The following GET1 variants were observed in gnomAD, a reference collection of about 807,000 sequenced individuals.
The protein encoded by GET1 is guided entry of tail-anchored proteins factor 1.
In GET1, 20 loss-of-function variants were observed where a neutral mutation model predicts 22.6. The observed-to-expected ratio is 0.89, with a 90% confidence interval of 0.62 to 1.29. The LOEUF (loss-of-function observed/expected upper bound fraction) is 1.29. Ranked by LOEUF, GET1 falls within the 50% of genes most tolerant of loss-of-function variation. The pLI is 0.00. For missense variants in GET1, 209 were observed against 219.9 expected (o/e 0.95, Z 0.31); for synonymous variants, 92 against 83.8 (o/e 1.10, Z -0.53).
intron 1 of GET1, among the ~76,000 whole-genome samples, chr21:39,389,427 G>A (rs893417276): frequency 2.6e-5 from 4 of 152,138 alleles, no homozygotes. Flanking sequence ...GTTGCAGGCC[G>A]AGCCACCATG....
chr21:39,401,719 G>A (rs180980464), downstream of GET1, among the ~76,000 whole-genome samples: 280 of 152,278 alleles, frequency 1.8e-3, 1 homozygote, highest in African/African-American at 6.4e-3. Flanking sequence ...TGTCAGCGCC[G>A]TTTATCCACA....
chr21:39,414,411 G>A (rs2040671151), intron 1 of GET1: 1 of 152,200 alleles, frequency 6.6e-6, no homozygotes, highest in South Asian at 2.1e-4. Context: ...AACTCGGTGT[G>A]GGATGACTTT....
intron 4 of GET1, among the ~76,000 whole-genome samples, 195 bp from the exon 5 acceptor site, chr21:39,396,671 G>T (rs1279932004): frequency 7.3e-6 from 1 of 136,824 alleles, no homozygotes; most frequent in African/African-American, 2.8e-5. Context: ...GGGGGACAGA[G>T]CGAGACTCCG....
rs569027211 is a variant in GET1 at position 39,387,685 on chromosome 21, C to T, written c.103-3013C>T. 131 of 607,464 alleles carry T rather than the reference C, an allele frequency of 2.2e-4. No individual in the cohort carries two copies. In the South Asian group the frequency reaches 2.8e-3, roughly 13 times the overall value. 37.6% of individuals were successfully genotyped at this position (607,464 alleles called of 1,614,324 possible). A position where few individuals can be genotyped will look rare whatever the true frequency, so the allele number is the denominator to read the frequency against. ...TAGACCCCTCCACCCCCCCTACTCC[C>T]CACACTCCCCCCCCCCACTTTTGCC... On this transcript the variant is annotated intron_variant, in intron 1 of 4. Transcript: ENST00000649170.
intron 1 of GET1, chr21:39,422,403 A>G (rs770522464): frequency 6.6e-6 from 1 of 152,516 alleles, no homozygotes; most frequent in Non-Finnish European, 1.5e-5. Context: ...AGGAAAATCA[A>G]TCCAGTCATC....
At chr21:39,409,050 A>G (rs1401836124), downstream of GET1, among the ~76,000 whole-genome samples, 1 of 152,150 alleles carries the variant, frequency 6.6e-6, no homozygotes, top group Non-Finnish European at 1.5e-5. This position sits in a 1 kb window ranked among gnomAD's most constrained non-coding sequence, Gnocchi z 4.2. Flanking sequence ...GTATGGCTAT[A>G]TTTGGAGACT....
At chr21:39,399,646 G>A (rs978051022), downstream of GET1, among the ~76,000 whole-genome samples, 2 of 152,002 alleles carry the variant, frequency 1.3e-5, no homozygotes, top group African/African-American at 4.8e-5. Flanking sequence ...TCACTATGTT[G>A]GCCGGGCTGG....
chr21:39,393,274 G>A lies in GET1; in HGVS notation c.445G>A (p.Val149Ile). Residue 149 changes from valine to isoleucine, a missense_variant, in exon 4 of 5, where the codon GTA (valine) becomes ATA (isoleucine). By Grantham distance (29) the Val-to-Ile change is conservative. Transcript: ENST00000649170. ...LDRLVAFPTR[V>I]AGGVGITCWI... ...CCGCCTGGTAGCCTTTCCTACTAGA[G>A]TAGCAGGTAAGAATTTTCTGGAAGA... 1 of 1,613,490 alleles carries A rather than the reference G, an allele frequency of 6.2e-7. No individual in the cohort carries two copies. The highest frequency in any genetic ancestry group is 8.5e-7 in the Non-Finnish European group (1 of 1,179,428).
intron 4 of GET1, chr21:39,405,757 A>C (rs1030755435): frequency 7.7e-6 from 5 of 649,618 alleles, no homozygotes; most frequent in East Asian, 3.0e-5. Context: ...TTAATTATCG[A>C]AAGTCAATTA....
intron 1 of GET1, among the ~76,000 whole-genome samples, chr21:39,417,063 C>T (rs757060958): frequency 1.1e-4 from 17 of 152,162 alleles, no homozygotes; most frequent in South Asian, 4.1e-4. Flanking sequence ...GACAGAGTCT[C>T]GCTCTGTCAC....
At chr21:39,382,556 T>G (rs1235051421) in intron 1 of GET1, among the ~76,000 whole-genome samples, 1 of 152,202 alleles carries the variant, frequency 6.6e-6, no homozygotes, top group African/African-American at 2.4e-5. Flanking sequence ...CATAATATCC[T>G]TAAGGTTCAT....
At chr21:39,387,874 G>C (rs556582153) in intron 1 of GET1, 2 of 970,412 alleles carry the variant, frequency 2.1e-6, no homozygotes, top group Non-Finnish European at 2.4e-6. Flanking sequence ...GAAGGGGGAG[G>C]GGGGGGGATC....
chr21:39,402,079 C>T (rs192495084), downstream of GET1, among the ~76,000 whole-genome samples: 10 of 152,058 alleles, frequency 6.6e-5, no homozygotes, highest in African/African-American at 1.4e-4. Flanking sequence ...GCGTGTCTTT[C>T]GTGCTAGCTT....
At chr21:39,426,478 A>C (rs528195316) in intron 1 of GET1, among the ~76,000 whole-genome samples, 1 of 152,320 alleles carries the variant, frequency 6.6e-6, no homozygotes, top group Admixed American at 6.5e-5. Context: ...CCTTGGAACC[A>C]GACTGTTTCA....
At position 39,390,697 on chromosome 21, in the gene GET1, G is replaced by C; in HGVS notation, c.103-1G>C. Reference sequence around the variant, plus strand: ...CTGATCCCCGTTGTCCGCCCTGCCAGATGTCCAGGGTGCTGCAGAAGGACG... The same window carrying C: ...CTGATCCCCGTTGTCCGCCCTGCCACATGTCCAGGGTGCTGCAGAAGGACG... On this transcript the variant is annotated splice_acceptor_variant, in intron 1 of 4. Transcript: ENST00000649170. LOFTEE classifies it high-confidence loss of function. The C allele has an allele frequency of 6.2e-7, 1 of 1,614,106 alleles. No individual in the cohort carries two copies. The highest frequency in any genetic ancestry group is 8.5e-7 in the Non-Finnish European group (1 of 1,179,998).
intron 1 of GET1, among the ~76,000 whole-genome samples, chr21:39,386,951 C>T (rs920436356): frequency 6.6e-6 from 1 of 151,828 alleles, no homozygotes; most frequent in Non-Finnish European, 1.5e-5. Flanking sequence ...CTCAAGTGAT[C>T]CCTCCCTCCC....
At chr21:39,398,366 G>A (rs146057007), downstream of GET1, among the ~76,000 whole-genome samples, 166 of 152,272 alleles carry the variant, frequency 1.1e-3, 3 homozygotes, top group South Asian at 0.033. Context: ...CATGTAGAGC[G>A]TGCCCAGGGA....
At chr21:39,380,812 G>A in intron 1 of GET1, 1 of 1,032,016 alleles carries the variant, frequency 9.7e-7, no homozygotes, top group Non-Finnish European at 1.2e-6. Flanking sequence ...GGTTCCTAGA[G>A]GCATTCGAGC....
rs780681891 is a variant in GET1, at chr21:39,390,814, C to T, written c.219C>T (p.Ala73=). ...VNMMDEFARY[A]RLERKINKMT... ...TGATGGACGAGTTTGCCAGATATGC[C>T]AGGCTGGAAAGAAAGATCAACAAGA... The change falls in exon 2 of 5, where the codon GCC becomes GCT. Residue 73 remains alanine (A), a synonymous_variant. Transcript: ENST00000649170. 6.2e-7 allele frequency: 1 copy of T among 1,614,158 alleles called. No individual in the cohort carries two copies. The highest frequency in any genetic ancestry group is 1.1e-5 in the South Asian group (1 of 91,082).
Sources: gnomAD v4.1 joint callset for allele counts (sites outside exome capture counted in the v4.1 genomes callset) on GRCh38, gnomAD v4.1.1 for gene constraint, Gnocchi (gnomAD v3.1) non-coding constraint, MANE v1.5 for transcripts, NCBI Gene and HGNC (gene_info 2026-07-23, HGNC 2026-07-21) for gene names.